Variants in NBEAL1 observed in about 807,000 individuals in gnomAD.
NBEAL1 encodes neurobeachin-like protein 1.
In NBEAL1, 273 loss-of-function variants were observed where a neutral mutation model predicts 351.3. That is an observed-to-expected ratio of 0.78 (90% CI 0.70 to 0.86). The LOEUF (loss-of-function observed/expected upper bound fraction) is 0.86, where lower values mean the gene tolerates loss of function less well. Ranked by LOEUF, NBEAL1 falls within the 40% of genes least tolerant of loss-of-function variation. The pLI is 0.00. For missense variants in NBEAL1, 2,961 were observed against 3,201.3 expected (o/e 0.92, Z 1.81); for synonymous variants, 1,050 against 1,086.4 (o/e 0.97, Z 0.66).
At chr2:203,185,192 T>C (rs2064859258) in intron 44 of NBEAL1, among the ~76,000 whole-genome samples, 1 of 152,174 alleles carries the variant, frequency 6.6e-6, no homozygotes, top group Admixed American at 6.5e-5. Flanking sequence ...TAGTCTTTAT[T>C]GTAGGCATGT....
chr2:203,139,927 T>C (rs1434521230), intron 31 of NBEAL1, among the ~76,000 whole-genome samples: 1 of 152,148 alleles, frequency 6.6e-6, no homozygotes, highest in African/African-American at 2.4e-5. Flanking sequence ...TATATTATTG[T>C]GAATGCTGCA....
At chr2:203,106,843 C>T (rs570144312) in intron 12 of NBEAL1, among the ~76,000 whole-genome samples, 78 of 152,174 alleles carry the variant, frequency 5.1e-4, no homozygotes, top group African/African-American at 1.7e-3. Context: ...CACTTTATGA[C>T]TTTGGGTGCC....
intron 35 of NBEAL1, among the ~76,000 whole-genome samples, chr2:203,152,636 A>G (rs2063688150): frequency 6.6e-6 from 1 of 151,938 alleles, no homozygotes; most frequent in Non-Finnish European, 1.5e-5. Flanking sequence ...AACAGATCTT[A>G]ACGGGTTTCT....
chr2:203,103,654 G>A (rs2106220609), intron 12 of NBEAL1, among the ~76,000 whole-genome samples: 1 of 152,084 alleles, frequency 6.6e-6, no homozygotes, highest in East Asian at 1.9e-4. Flanking sequence ...CTAGCTTTGG[G>A]ATTGGTTTTC....
At chr2:203,072,648 T>A (rs1388795980) in intron 7 of NBEAL1, among the ~76,000 whole-genome samples, 5 of 152,230 alleles carry the variant, frequency 3.3e-5, no homozygotes. Context: ...AGAACACAGT[T>A]GAGCCAAGTT....
chr2:203,045,394 T>G (rs1005030804), intron 3 of NBEAL1, among the ~76,000 whole-genome samples: 1 of 152,124 alleles, frequency 6.6e-6, no homozygotes, highest in African/African-American at 2.4e-5. Context: ...TTTTAGCCCT[T>G]TAGCAGGAAA....
intron 51 of NBEAL1, among the ~76,000 whole-genome samples, chr2:203,207,539 T>C (rs932627958): frequency 2.0e-5 from 3 of 152,212 alleles, no homozygotes; most frequent in African/African-American, 7.2e-5. Context: ...GAGGTAGACA[T>C]GGGAGACTTT....
At position 203,217,825 on chromosome 2, in the gene NBEAL1, G is replaced by A; in HGVS notation, c.*471G>A. On this transcript the variant is annotated 3_prime_UTR_variant, in exon 56 of 56. Coordinates refer to ENST00000683969, the MANE Select transcript of NBEAL1 (RefSeq NM_001378026.1). Reference sequence around the variant, plus strand: ...TTTTAAAGGTATCTGTTGCACACTTGGATTTTCAAAACTCGGTGAAAGTTA... The same window carrying A: ...TTTTAAAGGTATCTGTTGCACACTTAGATTTTCAAAACTCGGTGAAAGTTA... 3.0e-6 allele frequency: 3 copies of A among 985,126 alleles called. No homozygotes were observed. Among genetic ancestry groups the A allele is most frequent in the Non-Finnish European group, 3.6e-6 (3 of 829,766 alleles). 61.0% of individuals were successfully genotyped at this position (985,126 alleles called of 1,614,324 possible). A position where few individuals can be genotyped will look rare whatever the true frequency, so the allele number is the denominator to read the frequency against.
At chr2:203,141,398 T>TTTTC (rs1559399484) in intron 31 of NBEAL1, among the ~76,000 whole-genome samples, 1 of 130,142 alleles carries the variant, frequency 7.7e-6, no homozygotes, top group African/African-American at 2.9e-5. Flanking sequence ...TTTTTTTTTT[T>TTTTC]CAGATGGAGT....
intron 2 of NBEAL1, among the ~76,000 whole-genome samples, chr2:203,018,123 A>G (rs1559311031): frequency 6.6e-6 from 1 of 152,118 alleles, no homozygotes; most frequent in Non-Finnish European, 1.5e-5. Flanking sequence ...AATATACCTC[A>G]TAGATTTAAG....
At chr2:203,116,092 G>A (rs746089156) in intron 18 of NBEAL1, 22 bp downstream of exon 18, 24 of 1,477,690 alleles carry the variant, frequency 1.6e-5, no homozygotes. Flanking sequence ...TTTGTGAACT[G>A]TCCATCTAGT....
chr2:203,079,301 A>C (rs535702191), intron 8 of NBEAL1, among the ~76,000 whole-genome samples: 1 of 152,238 alleles, frequency 6.6e-6, no homozygotes, highest in East Asian at 1.9e-4. Flanking sequence ...GCCCAGGTTG[A>C]GCAATTCGTG....
At chr2:203,204,497 G>A (rs2065498503) in intron 51 of NBEAL1, among the ~76,000 whole-genome samples, 1 of 151,368 alleles carries the variant, frequency 6.6e-6, no homozygotes, top group Non-Finnish European at 1.5e-5. Context: ...CGCCTGGCTA[G>A]TTTTTGTGTT....
intron 31 of NBEAL1, among the ~76,000 whole-genome samples, chr2:203,143,016 G>C (rs4328616): frequency 0.91 from 138,756 of 152,258 alleles, 63,711 homozygotes; most frequent in Non-Finnish European, 0.96. Flanking sequence ...TGTGTACAGC[G>C]CAGACCAGCT....
intron 36 of NBEAL1, 139 bp downstream of exon 36, chr2:203,157,964 G>A (rs1221576219): frequency 1.2e-5 from 7 of 600,960 alleles, no homozygotes; most frequent in Non-Finnish European, 1.8e-5. Flanking sequence ...GATTTTATCA[G>A]TATTAACTGA....
At chr2:203,043,889 A>G (rs887822359) in intron 3 of NBEAL1, among the ~76,000 whole-genome samples, 3 of 152,198 alleles carry the variant, frequency 2.0e-5, no homozygotes, top group African/African-American at 7.2e-5. Flanking sequence ...AATTGAGTCT[A>G]GAGAATCAAA....
rs2064368229 is a variant in NBEAL1 at position 203,172,855 on chromosome 2, T to C, written c.6323+2T>C. On this transcript the variant is annotated splice_donor_variant, in intron 41 of 55. Transcript: ENST00000683969. LOFTEE classifies it high-confidence loss of function. ...AAACGCCAAAGCTATGAGAGAAAAG[T>C]AAGTGCTTCTTATTCCTTTTATAAA... 1 of 1,601,974 alleles carries C rather than the reference T, an allele frequency of 6.2e-7. No homozygotes were observed. Among genetic ancestry groups the C allele is most frequent in the African/African-American group, 1.3e-5 (1 of 74,552 alleles).
chr2:203,206,251 A>G (rs1264448156), intron 51 of NBEAL1, among the ~76,000 whole-genome samples: 2 of 152,266 alleles, frequency 1.3e-5, no homozygotes, highest in African/African-American at 2.4e-5. Context: ...TACATACTCC[A>G]TAAATATATA....
intron 37 of NBEAL1, 27 bp from the exon 38 acceptor site, chr2:203,167,200 C>T: frequency 1.1e-5 from 17 of 1,590,784 alleles, no homozygotes; most frequent in Non-Finnish European, 1.5e-5. Context: ...TATGGTATCT[C>T]AGTCACAAGA....
Sources: gnomAD v4.1 joint callset for allele counts (sites outside exome capture counted in the v4.1 genomes callset) on GRCh38, gnomAD v4.1.1 for gene constraint, MANE v1.5 for transcripts, NCBI Gene and HGNC (gene_info 2026-07-23, HGNC 2026-07-21) for gene names.